The following CHIT1 variants were observed in gnomAD, a reference collection of about 807,000 sequenced individuals.
The protein encoded by CHIT1 is chitotriosidase-1.
Under a neutral mutation model 52.0 loss-of-function variants are expected in CHIT1, and 47 were observed. The observed-to-expected ratio is 0.90, with a 90% confidence interval of 0.71 to 1.15. CHIT1 has a LOEUF of 1.15. Among genes scored for constraint, CHIT1 ranks in the 50% most tolerant of loss-of-function variants. The probability of loss-of-function intolerance (pLI) is 0.00; values close to 1 mark genes in which losing one functional copy is unlikely to be tolerated. For synonymous variants in CHIT1, 242 were observed against 228.2 expected, an observed-to-expected ratio of 1.06 and a Z score of -0.54; for missense variants, 569 against 583.0, an observed-to-expected ratio of 0.98 and a Z score of 0.25.
rs73066396 is a variant in CHIT1 at position 203,216,940 on chromosome 1, G to A, written c.1350C>T (p.Cys450=). 1,860 of 1,614,232 alleles carry A rather than the reference G, an allele frequency of 1.2e-3. 23 individuals carry two copies. In the African/African-American group the frequency reaches 0.022, roughly 19 times the overall value. Residue 450 remains cysteine (C), a synonymous_variant, in exon 11 of 11, where the codon TGC becomes TGT. Transcript: ENST00000367229. ...CAAGRLFQQS[C]PTGLVFSNSC... is the part of the protein sequence containing the mutation. ...AGTTGCTGAACACCAGGCCTGTCGG[G>A]CAGCTTTGCTGGAACAGCCGCCCCG... is the stretch of plus-strand genomic sequence containing the variant.
rs114168492 is a variant in CHIT1, at chr1:203,223,155, G to A, written c.585C>T (p.Tyr195=). Residue 195 remains tyrosine, a synonymous_variant, in exon 6 of 11, where the codon TAC becomes TAT. Coordinates refer to ENST00000367229, the MANE Select transcript of CHIT1 (RefSeq NM_003465.3). The stretch of plus-strand genomic sequence containing the variant: ...CTCACTGGGCGATTTTGTCCACCTC[G>A]TATCCAGCATCCACATAGGTCTGCC... The part of the protein sequence containing the change: ...PAGQTYVDAG[Y]EVDKIAQNLD... 9.5e-4 allele frequency: 1,531 copies of A among 1,614,112 alleles called. 4 individuals are homozygous for A. The highest frequency in any genetic ancestry group is 7.2e-3 in the African/African-American group (538 of 75,032).
rs1656992246 is a variant in CHIT1 at position 203,228,114 on chromosome 1, G to A, written c.55+419C>T. Reference sequence around the variant, plus strand: ...TGTCCTCGCAGAGCTAAGGGGCTGGGGATGCTGAACCAGATGAGACTTAGG... The same window carrying A: ...TGTCCTCGCAGAGCTAAGGGGCTGGAGATGCTGAACCAGATGAGACTTAGG... On this transcript the variant is annotated intron_variant, in intron 2 of 10. Transcript: ENST00000367229. Among the ~76,000 whole-genome samples, 3 of 152,210 alleles carry A rather than the reference G, an allele frequency of 2.0e-5. No individual in the cohort carries two copies. The South Asian group carries it at 6.2e-4, about 32-fold the overall frequency.
Position 203,222,083 on chromosome 1 carries a change from T to C in CHIT1, c.729+119A>G, listed in dbSNP as rs1571846420. On this transcript the variant is annotated intron_variant, in intron 7 of 10. Transcript: ENST00000367229. ...CAAGCAAGCAAAGAAACAAAAAAGC[T>C]TCTTGTTTCTCAGTGCCCTGTGTCT... The C allele has an allele frequency of 4.9e-6, 7 of 1,421,936 alleles. No individual in the cohort carries two copies. The East Asian group carries it at 9.5e-5, about 19-fold the overall frequency. 88.1% of individuals were successfully genotyped at this position (1,421,936 alleles called of 1,614,324 possible).
chr1:203,227,017 G>T (rs1028863147), intron 2 of CHIT1, among the ~76,000 whole-genome samples: 10 of 152,176 alleles, frequency 6.6e-5, no homozygotes, highest in African/African-American at 2.4e-4. Context: ...CCTGTGGCTG[G>T]TGTCTAGAAC....
intron 9 of CHIT1, among the ~76,000 whole-genome samples, chr1:203,218,683 C>T (rs1029523360): frequency 6.6e-6 from 1 of 152,056 alleles, no homozygotes; most frequent in African/African-American, 2.4e-5. Flanking sequence ...AGGATCGTGC[C>T]CCCCTGCAAT....
chr1:203,223,837 G>A (rs547842968), intron 4 of CHIT1, among the ~76,000 whole-genome samples, 177 bp from the exon 5 acceptor site: 1 of 152,206 alleles, frequency 6.6e-6, no homozygotes, highest in South Asian at 2.1e-4. Flanking sequence ...TATGGTCCGG[G>A]TTGAGGAAAG....
Position 203,225,111 on chromosome 1 carries a change from A to G in CHIT1, c.258-7T>C. On this transcript the variant is annotated splice_region_variant and splice_polypyrimidine_tract_variant and intron_variant, in intron 3 of 10. Transcript: ENST00000367229. ...GGTCTTCAGCTTGGGATTCCTGGGA[A>G]AGACAGGAGACACAGCAGGATTTAC... is the stretch of plus-strand genomic sequence containing the variant. 1 of 1,613,708 alleles carries G rather than the reference A, an allele frequency of 6.2e-7. No homozygotes were observed. The highest frequency in any genetic ancestry group is 8.5e-7 in the Non-Finnish European group (1 of 1,179,872).
At chr1:203,219,384 T>A in intron 8 of CHIT1, 55 bp from the exon 9 acceptor site, 1 of 1,050,374 alleles carries the variant, frequency 9.5e-7, no homozygotes, top group South Asian at 1.3e-5. Context: ...TGCAGGCACC[T>A]TCCCTTCCTC....
At position 203,216,348 on chromosome 1, in the gene CHIT1, G is replaced by A. The variant is rs1166816754; in HGVS notation, c.*541C>T. On this transcript the variant is annotated 3_prime_UTR_variant, in exon 11 of 11. Transcript: ENST00000367229. ...GTAATGCTGAGTGGCTGCTCGCAGA[G>A]CGCTTAAATCAGGGAAAAGTTCTTC... 6.6e-6 allele frequency: 3 copies of A among 453,974 alleles called. No homozygotes were observed. The highest frequency in any genetic ancestry group is 1.3e-5 in the Non-Finnish European group (3 of 226,798). The allele number at this position is 453,974 out of a possible 1,614,324, so 28.1% of individuals were successfully genotyped here. A position where few individuals can be genotyped will look rare whatever the true frequency, so the allele number is the denominator to read the frequency against.
chr1:203,229,742 A>G (rs756476625), upstream of CHIT1: 12 of 1,151,750 alleles, frequency 1.0e-5, 1 homozygote, highest in East Asian at 2.5e-4. Flanking sequence ...TGTTGCAATC[A>G]GGGGCACTGG....
intron 4 of CHIT1, among the ~76,000 whole-genome samples, chr1:203,224,027 T>C (rs2102239613): frequency 6.6e-6 from 1 of 152,264 alleles, no homozygotes; most frequent in Non-Finnish European, 1.5e-5. Flanking sequence ...AAGGAATTAG[T>C]TTCTCTAATT....
rs549401288 is a variant in CHIT1 at position 203,224,620 on chromosome 1, C to G, written c.314+428G>C. ...AAATGCCAATACTCTGGCATCCAGG[C>G]TCAATCTCACAGATTACCTTTTGTA... On this transcript the variant is annotated intron_variant, in intron 4 of 10. Coordinates refer to ENST00000367229, the MANE Select transcript of CHIT1 (RefSeq NM_003465.3). Among the ~76,000 whole-genome samples, 37 of 152,258 alleles carry G rather than the reference C, an allele frequency of 2.4e-4. 1 individual carries two copies. The South Asian group carries it at 7.7e-3, about 32-fold the overall frequency.
chr1:203,228,869 AC>A (rs1657032539), intron 1 of CHIT1, among the ~76,000 whole-genome samples: 1 of 152,156 alleles, frequency 6.6e-6, no homozygotes. Flanking sequence ...AAAACTGCTG[AC>A]TTGTGAGTTA....
At chr1:203,225,995 A>T in intron 2 of CHIT1, 125 bp from the exon 3 acceptor site, 1 of 1,023,696 alleles carries the variant, frequency 9.8e-7, no homozygotes, top group Non-Finnish European at 1.5e-6. Flanking sequence ...CAGTGGAGGG[A>T]CCCGACAGGC....
intron 9 of CHIT1, chr1:203,218,106 G>C: frequency 6.8e-7 from 1 of 1,476,934 alleles, no homozygotes. Flanking sequence ...GGTGGGGTGG[G>C]TGCAGTCGGG....
chr1:203,217,554 G>A (rs1345590405), intron 10 of CHIT1, among the ~76,000 whole-genome samples, 185 bp downstream of exon 10: 2 of 152,208 alleles, frequency 1.3e-5, no homozygotes, highest in East Asian at 1.9e-4. Flanking sequence ...GAGAAAGACC[G>A]CAAAAAGGAA....
In CHIT1 at chr1:203,217,840, A is replaced by G. The variant is rs983971974; in HGVS notation, c.1055T>C (p.Leu352Pro). Residue 352 changes from leucine (L) to proline (P), a missense_variant, in exon 10 of 11, where the codon CTG becomes CCG. By Grantham distance (98) the Leu-to-Pro change is moderately conservative. Transcript: ENST00000367229. ...TKVSYLKQKG[L>P]GGAMVWALDL... ...CAGTGCCCAGACCATGGCCCCGCCC[A>G]GTCCCTTCTGCTTCAGATAGCTGAC... 1 of 1,613,580 alleles carries G rather than the reference A, an allele frequency of 6.2e-7. No homozygotes were observed. The highest frequency in any genetic ancestry group is 1.3e-5 in the African/African-American group (1 of 74,934).
intron 5 of CHIT1, 40 bp downstream of exon 5, chr1:203,223,454 TC>T: frequency 6.2e-7 from 1 of 1,611,888 alleles, no homozygotes; most frequent in Non-Finnish European, 8.5e-7. Flanking sequence ...CAGCTCTGGG[TC>T]CCTGCACAGA....
chr1:203,217,808 C>A lies in CHIT1; in HGVS notation c.1087G>T (p.Asp363Tyr). Reference sequence around the variant, plus strand: ...TTGCAGGAGAAGCCGGCAAAGTCATCTAAGTCCAGTGCCCAGACCATGGCC... The same window carrying A: ...TTGCAGGAGAAGCCGGCAAAGTCATATAAGTCCAGTGCCCAGACCATGGCC... The part of the protein sequence containing the change: ...GGAMVWALDL[D>Y]DFAGFSCNQG... The change falls in exon 10 of 11, where the codon GAT (aspartate) becomes TAT (tyrosine). Residue 363 changes from aspartate (D) to tyrosine (Y), a missense_variant. Physicochemically the swap from Asp to Tyr is radical, Grantham distance 160 (BLOSUM62 -3). Transcript: ENST00000367229. The A allele has an allele frequency of 6.8e-6, 11 of 1,614,094 alleles. No homozygotes were observed. The highest frequency in any genetic ancestry group is 9.3e-6 in the Non-Finnish European group (11 of 1,179,950).
Sources: gnomAD v4.1 joint callset for allele counts (sites outside exome capture counted in the v4.1 genomes callset) on GRCh38, gnomAD v4.1.1 for gene constraint, MANE v1.5 for transcripts, NCBI Gene and HGNC (gene_info 2026-07-23, HGNC 2026-07-21) for gene names.